The following MTIF2 variants were observed in gnomAD, a reference collection of about 807,000 sequenced individuals.
MTIF2 encodes the protein mitochondrial translational initiation factor 2.
MTIF2 carries 71 observed loss-of-function variants against 83.5 expected under a neutral mutation model. The observed-to-expected ratio is 0.85, with a 90% CI of 0.70 to 1.04. The LOEUF is 1.04. MTIF2 is among the 50% of genes least tolerant of loss of function. MTIF2 has a pLI of 0.00. For synonymous variants in MTIF2, 319 were observed against 287.1 expected, an observed-to-expected ratio of 1.11 and a Z score of -1.12; for missense variants, 957 against 846.5, an observed-to-expected ratio of 1.13 and a Z score of -1.62.
At chr2:55,244,505 T>A (rs1676553060) in intron 10 of MTIF2, among the ~76,000 whole-genome samples, 1 of 152,234 alleles carries the variant, frequency 6.6e-6, no homozygotes, top group South Asian at 2.1e-4. Context: ...TAAACAAATT[T>A]ATTTGCGATA....
At chr2:55,242,838 C>CTGAT in intron 13 of MTIF2, 102 bp downstream of exon 13, 1 of 1,165,056 alleles carries the variant, frequency 8.6e-7, no homozygotes, top group Admixed American at 2.3e-5. Context: ...ATGCTGATAG[C>CTGAT]AGTAAATGTC....
At chr2:55,247,721 T>C (rs1329817417) in intron 9 of MTIF2, among the ~76,000 whole-genome samples, 3 of 152,102 alleles carry the variant, frequency 2.0e-5, no homozygotes, top group African/African-American at 7.2e-5. Flanking sequence ...GAAATAATCC[T>C]TTATATATCT....
Position 55,254,821 on chromosome 2 carries a change from A to G in MTIF2, c.336T>C (p.Tyr112=), listed in dbSNP as rs369636331. The change falls in exon 6 of 16, where the codon TAT becomes TAC. Residue 112 remains tyrosine (Y), a synonymous_variant. Coordinates refer to ENST00000263629, the MANE Select transcript of MTIF2 (RefSeq NM_002453.3). Reference sequence around the variant, plus strand: ...CAGTGTTCAATAAAGCTTCATATACATAATCTGATTGGAATAAAATAAAAC... The same window carrying G: ...CAGTGTTCAATAAAGCTTCATATACGTAATCTGATTGGAATAAAATAAAAC... The part of the protein sequence containing the change: ...LARAMEKNTD[Y]VYEALLNTDI... The G allele has an allele frequency of 9.0e-6, 14 of 1,563,412 alleles. No individual in the cohort carries two copies. Among genetic ancestry groups the G allele is most frequent in the Admixed American group, 6.1e-5 (3 of 49,312 alleles).
In MTIF2 at chr2:55,242,976, T is replaced by G. The variant is rs748572675; in HGVS notation, c.1669A>C (p.Ser557Arg). The G allele has an allele frequency of 5.0e-6, 8 of 1,612,396 alleles. No homozygotes were observed. Among genetic ancestry groups the G allele is most frequent in the Non-Finnish European group, 6.8e-6 (8 of 1,179,382 alleles). ...ELVHFGVGDV[S>R]ANDVNLAETF... ...TCAGCAAGGTTAACATCATTTGCAC[T>G]TACATCACCCACTCCAAAATGTACT... Residue 557 changes from serine to arginine, a missense_variant, in exon 13 of 16, where the codon AGT (serine) becomes CGT (arginine). Ser to Arg is a moderately radical substitution (Grantham distance 110). Around this residue, in one of 3 missense-constraint regions of MTIF2, gnomAD observed 733 missense variants for 648.7 expected, o/e 1.13. Transcript: ENST00000263629.
At chr2:55,243,356 G>A (rs1676460042) in intron 12 of MTIF2, 60 bp downstream of exon 12, 4 of 1,443,926 alleles carry the variant, frequency 2.8e-6, no homozygotes, top group Non-Finnish European at 3.8e-6. Flanking sequence ...CCCAAACTAT[G>A]AGAATAAAAA....
chr2:55,240,626 T>A (rs1676238237), intron 13 of MTIF2, among the ~76,000 whole-genome samples: 1 of 152,318 alleles, frequency 6.6e-6, no homozygotes, highest in South Asian at 2.1e-4. Flanking sequence ...ATGACTTTTT[T>A]TCTCACCAAA....
chr2:55,265,535 CTGTT>C (rs1024168933), intron 3 of MTIF2, among the ~76,000 whole-genome samples: 1 of 151,180 alleles, frequency 6.6e-6, no homozygotes, highest in African/African-American at 2.4e-5. Context: ...TTTTGTTTGT[CTGTT>C]TGCTTTTCAA....
At chr2:55,249,644 GT>G in intron 8 of MTIF2, 110 bp from the exon 9 acceptor site, 3 of 1,345,542 alleles carry the variant, frequency 2.2e-6, no homozygotes, top group Non-Finnish European at 3.0e-6. Flanking sequence ...TTCAGTGGAT[GT>G]TTTTATCTAA....
In MTIF2 at chr2:55,267,650, T is replaced by C. The variant is rs891052331; in HGVS notation, c.-74-15A>G. ...TTTCCGGATCTCTGTTAAAAATAAA[T>C]AAATAAATAAGTGTTTGAATATCTG... On this transcript the variant is annotated splice_polypyrimidine_tract_variant and intron_variant, in intron 2 of 15. Coordinates refer to ENST00000263629, the MANE Select transcript of MTIF2 (RefSeq NM_002453.3). 5 of 163,232 alleles carry C rather than the reference T, an allele frequency of 3.1e-5. No homozygotes were observed. Among genetic ancestry groups the C allele is most frequent in the African/African-American group, 1.2e-4 (5 of 41,426 alleles). 10.1% of individuals were successfully genotyped at this position (163,232 alleles called of 1,614,324 possible).
intron 12 of MTIF2, 37 bp from the exon 13 acceptor site, chr2:55,243,117 G>C (rs377510254): frequency 1.3e-6 from 2 of 1,555,584 alleles, no homozygotes; most frequent in South Asian, 2.4e-5. Context: ...TTGCTTTTAA[G>C]AGTTAGACAT....
chr2:55,243,815 T>G, intron 11 of MTIF2, 147 bp from the exon 12 acceptor site: 1 of 1,042,552 alleles, frequency 9.6e-7, no homozygotes, highest in Non-Finnish European at 1.3e-6. Context: ...TGTAAAATTT[T>G]AATTTGAGAG....
chr2:55,249,459 G>C lies in MTIF2; in HGVS notation c.917C>G (p.Ala306Gly). ...DPEKVKKELL[A>G]YDVVCEDYGG... ...ATAATCTTCACATACCACATCGTAA[G>C]CCAGCAGCTCTTTTTTCACTTTCTC... Residue 306 changes from alanine (A) to glycine (G), a missense_variant, in exon 9 of 16, where the codon GCT becomes GGT. Transcript: ENST00000263629. The C allele has an allele frequency of 6.2e-7, 1 of 1,614,184 alleles. No individual in the cohort carries two copies. The highest frequency in any genetic ancestry group is 8.5e-7 in the Non-Finnish European group (1 of 1,180,020).
At chr2:55,238,721 C>G (rs1349962180) in intron 14 of MTIF2, among the ~76,000 whole-genome samples, 2 of 151,974 alleles carry the variant, frequency 1.3e-5, no homozygotes, top group South Asian at 4.1e-4. Context: ...ACTAAAAATA[C>G]AAATTCCAAT....
At chr2:55,255,135 TTCTC>T (rs1382078401) in intron 5 of MTIF2, among the ~76,000 whole-genome samples, 1 of 151,682 alleles carries the variant, frequency 6.6e-6, no homozygotes, top group Non-Finnish European at 1.5e-5. Flanking sequence ...TGTAGTCTAT[TTCTC>T]TAAAAATTTA....
At chr2:55,263,923 TG>T in intron 3 of MTIF2, 58 bp from the exon 4 acceptor site, 5 of 1,339,970 alleles carry the variant, frequency 3.7e-6, no homozygotes, top group Non-Finnish European at 5.3e-6. Context: ...AAATATTAAT[TG>T]GATATTTACT....
chr2:55,261,423 T>A (rs1192033412), intron 5 of MTIF2, among the ~76,000 whole-genome samples: 76 of 150,256 alleles, frequency 5.1e-4, no homozygotes, highest in Non-Finnish European at 9.0e-4. Flanking sequence ...CTGGCCAACA[T>A]GGTGAAACCC....
intron 6 of MTIF2, 119 bp downstream of exon 6, chr2:55,254,535 T>C (rs1418368479): frequency 1.4e-5 from 12 of 848,246 alleles, no homozygotes; most frequent in Non-Finnish European, 1.9e-5. Flanking sequence ...TACTTCGAAG[T>C]TTATACACAC....
chr2:55,254,641 A>C lies in MTIF2; in HGVS notation c.503+13T>G, dbSNP rs1677373771. 1 of 1,585,070 alleles carries C rather than the reference A, an allele frequency of 6.3e-7. No homozygotes were observed. The highest frequency in any genetic ancestry group is 1.2e-5 in the South Asian group (1 of 86,194). Reference sequence around the variant, plus strand: ...TCCCCCAAACCCTGCCAGTATATACAGTTAAGTTTTACCTTCTTACAGCAT... The same window carrying C: ...TCCCCCAAACCCTGCCAGTATATACCGTTAAGTTTTACCTTCTTACAGCAT... On this transcript the variant is annotated intron_variant, in intron 6 of 15. Transcript: ENST00000263629.
intron 3 of MTIF2, among the ~76,000 whole-genome samples, chr2:55,266,050 C>T (rs763384700): frequency 6.6e-6 from 1 of 151,912 alleles, no homozygotes; most frequent in South Asian, 2.1e-4. Flanking sequence ...GGAACTTGGA[C>T]ATCTGTAAAT....
Sources: allele counts gnomAD v4.1 joint callset (sites outside exome capture counted in the v4.1 genomes callset), GRCh38; gene constraint gnomAD v4.1.1; regional missense constraint gnomAD v4.1.1; transcripts MANE v1.5; gene names NCBI Gene and HGNC (gene_info 2026-07-23, HGNC 2026-07-21).